The following PARD3 variants were observed in gnomAD, a reference collection of about 807,000 sequenced individuals.
PARD3 encodes par-3 family cell polarity regulator.
A neutral mutation model predicts 155.4 loss-of-function variants in PARD3; 75 were observed. The ratio of observed to expected loss-of-function variants is 0.48; its 90% CI spans 0.40 to 0.58. The LOEUF (loss-of-function observed/expected upper bound fraction) is 0.58, where lower values mean the gene tolerates loss of function less well. Ranked by LOEUF, PARD3 falls within the 20% of genes least tolerant of loss-of-function variation. PARD3 has a pLI of 0.00. For missense variants in PARD3, 1,642 were observed against 1,721.7 expected (o/e 0.95, Z 0.82); for synonymous variants, 576 against 610.5 (o/e 0.94, Z 0.83).
intron 12 of PARD3, among the ~76,000 whole-genome samples, chr10:34,362,278 G>A (rs921135103): frequency 4.6e-5 from 7 of 152,044 alleles, no homozygotes; most frequent in African/African-American, 7.2e-5. Context: ...CAGCCTGGGC[G>A]ACAGAGCAAG....
chr10:34,643,148 G>A (rs1456664622), intron 2 of PARD3, among the ~76,000 whole-genome samples: 3 of 152,172 alleles, frequency 2.0e-5, no homozygotes, highest in Non-Finnish European at 2.9e-5. Flanking sequence ...ACCTGGAATC[G>A]GCTGGGTCCT....
intron 22 of PARD3, among the ~76,000 whole-genome samples, chr10:34,184,131 ATACT>A (rs1950383862): frequency 6.6e-6 from 1 of 152,168 alleles, no homozygotes; most frequent in Non-Finnish European, 1.5e-5. Flanking sequence ...ACATCCTTTT[ATACT>A]GGGAATAGTG....
At chr10:34,563,796 T>C (rs1185026882) in intron 2 of PARD3, among the ~76,000 whole-genome samples, 1 of 152,172 alleles carries the variant, frequency 6.6e-6, no homozygotes, top group Non-Finnish European at 1.5e-5. Context: ...CCCAAAGTGT[T>C]GGGATTACAG....
At chr10:34,755,880 C>T (rs371314216) in intron 1 of PARD3, among the ~76,000 whole-genome samples, 2 of 152,256 alleles carry the variant, frequency 1.3e-5, no homozygotes, top group South Asian at 4.1e-4. Flanking sequence ...ACAGGCTGTG[C>T]TTACCTGCTT....
At chr10:34,556,139 T>C (rs1392849170) in intron 2 of PARD3, among the ~76,000 whole-genome samples, 3 of 152,154 alleles carry the variant, frequency 2.0e-5, no homozygotes, top group African/African-American at 7.2e-5. Flanking sequence ...TGAATGGAGG[T>C]ACTGCTGGAG....
At chr10:34,467,169 T>C (rs1237735811) in intron 4 of PARD3, among the ~76,000 whole-genome samples, 1 of 152,070 alleles carries the variant, frequency 6.6e-6, no homozygotes, top group African/African-American at 2.4e-5. Context: ...AGAGCATGGA[T>C]GTCCAAAATT....
rs760400963 is a variant in PARD3, at chr10:34,269,643, C to T, written c.3419+14G>A. 6.2e-7 allele frequency: 1 copy of T among 1,611,974 alleles called. No homozygotes were observed. Among genetic ancestry groups the T allele is most frequent in the South Asian group, 1.1e-5 (1 of 91,036 alleles). On this transcript the variant is annotated intron_variant, in intron 22 of 24. Coordinates refer to ENST00000374788, the MANE Select transcript of PARD3 (RefSeq NM_001184785.2). ...TGATTTGGAAGCAATACCACGATTGCCCCTGGCGCCTACCTGTCTACAGGT... is the reference window on the plus strand; with the variant it reads ...TGATTTGGAAGCAATACCACGATTGTCCCTGGCGCCTACCTGTCTACAGGT...
At chr10:34,600,339 C>T (rs376182558) in intron 2 of PARD3, among the ~76,000 whole-genome samples, 4 of 151,082 alleles carry the variant, frequency 2.6e-5, no homozygotes, top group South Asian at 4.2e-4. Context: ...AGCGAGACCC[C>T]GGTCTCAAAA....
At chr10:34,354,294 C>T (rs182210540) in intron 14 of PARD3, among the ~76,000 whole-genome samples, 1 of 151,658 alleles carries the variant, frequency 6.6e-6, no homozygotes, top group African/African-American at 2.4e-5. Context: ...AGGAGAATGG[C>T]GTGAACCCGG....
chr10:34,670,732 T>A (rs1354351987), intron 2 of PARD3, among the ~76,000 whole-genome samples: 1 of 152,208 alleles, frequency 6.6e-6, no homozygotes, highest in Non-Finnish European at 1.5e-5. Flanking sequence ...CTGTAAGAAT[T>A]CAGGGTCCAA....
intron 5 of PARD3, 131 bp from the exon 6 acceptor site, chr10:34,402,048 A>G (rs1843943411): frequency 4.0e-6 from 3 of 744,444 alleles, no homozygotes; most frequent in Non-Finnish European, 7.2e-6. Flanking sequence ...AAGAAGGATG[A>G]CCTTTAATGA....
chr10:34,768,583 T>G (rs1838427493), intron 1 of PARD3, among the ~76,000 whole-genome samples: 1 of 152,264 alleles, frequency 6.6e-6, no homozygotes. Flanking sequence ...GCGGCAGGTT[T>G]GCCCTGAGCA....
chr10:34,264,875 G>A lies in PARD3; in HGVS notation c.3419+4782C>T, dbSNP rs564414842. ...AGTGATCCTCCTGCCCTGGCCTCCC[G>A]AGTAGCTGGGACTGTAGATGCATGT... On this transcript the variant is annotated intron_variant, in intron 22 of 24. Coordinates refer to ENST00000374788, the MANE Select transcript of PARD3 (RefSeq NM_001184785.2). Among the ~76,000 whole-genome samples, 16 of 151,968 alleles carry A rather than the reference G, an allele frequency of 1.1e-4. No homozygotes were observed. The East Asian group carries it at 2.3e-3, about 22-fold the overall frequency.
chr10:34,436,302 C>CCTAA (rs1400757697), intron 5 of PARD3, among the ~76,000 whole-genome samples: 2 of 152,198 alleles, frequency 1.3e-5, no homozygotes, highest in Admixed American at 1.3e-4. Flanking sequence ...GGTCTGTGCT[C>CCTAA]CTAAACAGTA....
intron 2 of PARD3, among the ~76,000 whole-genome samples, chr10:34,589,441 G>A (rs1564386304): frequency 6.6e-6 from 1 of 151,942 alleles, no homozygotes; most frequent in Non-Finnish European, 1.5e-5. Context: ...GGCATCCTTA[G>A]AAGAAGAAAA....
intron 20 of PARD3, among the ~76,000 whole-genome samples, chr10:34,304,090 T>A (rs1387905556): frequency 6.6e-6 from 1 of 152,088 alleles, no homozygotes; most frequent in South Asian, 2.1e-4. Flanking sequence ...TCGTTTGTGT[T>A]CTGGAGCAGG....
In PARD3 at chr10:34,657,174, T is replaced by A. The variant is rs569811498; in HGVS notation, c.222+39144A>T. Among the ~76,000 whole-genome samples, 67 of 151,988 alleles carry A rather than the reference T, an allele frequency of 4.4e-4. 1 individual carries two copies. The highest frequency in any genetic ancestry group is 2.1e-3 in the South Asian group (10 of 4,826). On this transcript the variant is annotated intron_variant, in intron 2 of 24. Transcript: ENST00000374788. Reference sequence around the variant, plus strand: ...GTAATTCCAGCACCTCTGGGAGGGCTGATTGAGGCCATAAGTTTGAGATCA... The same window carrying A: ...GTAATTCCAGCACCTCTGGGAGGGCAGATTGAGGCCATAAGTTTGAGATCA...
intron 4 of PARD3, among the ~76,000 whole-genome samples, chr10:34,461,988 C>A (rs1343575187): frequency 6.6e-6 from 1 of 152,164 alleles, no homozygotes; most frequent in African/African-American, 2.4e-5. Flanking sequence ...AAAGATGAGA[C>A]TAGGTTATCA....
intron 2 of PARD3, among the ~76,000 whole-genome samples, chr10:34,666,807 A>ATC: frequency 1.1e-5 from 1 of 94,298 alleles, no homozygotes; most frequent in South Asian, 4.0e-4. Flanking sequence ...ATATATATAT[A>ATC]TATATATATA....
Sources: allele counts gnomAD v4.1 joint callset (sites outside exome capture counted in the v4.1 genomes callset), GRCh38; gene constraint gnomAD v4.1.1; transcripts MANE v1.5; gene names NCBI Gene and HGNC (gene_info 2026-07-23, HGNC 2026-07-21).